Variants in SHANK2 observed in about 807,000 individuals in gnomAD.
SHANK2 encodes the protein SH3 and multiple ankyrin repeat domains 2, also known as SH3 and multiple ankyrin repeat domains protein 2.
SHANK2 carries 43 observed loss-of-function variants against 133.7 expected under a neutral mutation model. That is an observed-to-expected ratio of 0.32 (90% CI 0.25 to 0.41). The LOEUF (loss-of-function observed/expected upper bound fraction) is 0.41, where lower values mean the gene tolerates loss of function less well. Among genes scored for constraint, SHANK2 ranks in the 10% least tolerant of loss-of-function variants. The pLI, the probability that SHANK2 is intolerant of heterozygous loss-of-function variation, is 1.00. For missense variants in SHANK2, 1,994 were observed against 2,235.8 expected (o/e 0.89, Z 2.18); for synonymous variants, 1,017 against 952.8 (o/e 1.07, Z -1.24).
chr11:70,907,253 C>A (rs1290063917), intron 10 of SHANK2, among the ~76,000 whole-genome samples: 4 of 152,176 alleles, frequency 2.6e-5, no homozygotes, highest in Non-Finnish European at 4.4e-5. Flanking sequence ...TGCCAGTATC[C>A]CCAGAGGCTG....
rs1951390022 is a variant in SHANK2, at chr11:71,085,801, CAT to C, written c.912+6619_912+6620del. Among the ~76,000 whole-genome samples, 4 of 54,918 alleles carry C rather than the reference CAT, an allele frequency of 7.3e-5. 1 individual carries two copies. The highest frequency in any genetic ancestry group is 3.1e-4 in the African/African-American group (4 of 12,714). The allele number at this position is 54,918 out of a possible 152,430, so 36.0% of individuals were successfully genotyped here. ...TTATATTATATAATATATGATACAACATAATATATTATGTTATATTATATAAT... is the reference window on the plus strand; with the variant it reads ...TTATATTATATAATATATGATACAACAATATATTATGTTATATTATATAAT... On this transcript the variant is annotated intron_variant, in intron 8 of 25. Transcript: ENST00000601538.
intron 3 of SHANK2, among the ~76,000 whole-genome samples, chr11:71,142,725 GAA>G (rs1390936090): frequency 6.6e-6 from 1 of 151,236 alleles, no homozygotes; most frequent in Non-Finnish European, 1.5e-5. Context: ...TCTGCAGAGA[GAA>G]AGTTTTTCTA....
At chr11:71,098,525 T>C (rs1256554335) in intron 6 of SHANK2, among the ~76,000 whole-genome samples, 1 of 152,150 alleles carries the variant, frequency 6.6e-6, no homozygotes, top group Non-Finnish European at 1.5e-5. Context: ...GAAACCATGA[T>C]GTGAGAGAAG....
chr11:70,909,659 A>C (rs1339057391), intron 10 of SHANK2, among the ~76,000 whole-genome samples: 1 of 152,178 alleles, frequency 6.6e-6, no homozygotes. Context: ...GCCTAGGAGA[A>C]GGCAGGCATT....
intron 11 of SHANK2, among the ~76,000 whole-genome samples, chr11:70,852,641 G>A (rs1590759202): frequency 1.3e-5 from 2 of 152,226 alleles, no homozygotes; most frequent in African/African-American, 2.4e-5. Flanking sequence ...TCAGGAGTTC[G>A]AGACCAGCCT....
intron 12 of SHANK2, among the ~76,000 whole-genome samples, chr11:70,816,137 A>C (rs1555054278): frequency 6.6e-6 from 1 of 152,242 alleles, no homozygotes; most frequent in African/African-American, 2.4e-5. Flanking sequence ...GTTTCTGCAG[A>C]ACCGAAGACT....
chr11:70,754,660 G>C (rs766705407), intron 14 of SHANK2, among the ~76,000 whole-genome samples: 2 of 152,188 alleles, frequency 1.3e-5, no homozygotes, highest in Admixed American at 6.5e-5. Flanking sequence ...GCAGCGGTAG[G>C]AGGAGGTGGA....
chr11:70,940,181 T>TCCTTCCTC (rs1555084108), intron 10 of SHANK2, among the ~76,000 whole-genome samples: 18 of 145,146 alleles, frequency 1.2e-4, no homozygotes, highest in African/African-American at 4.9e-4. Flanking sequence ...CTTCCTTCCT[T>TCCTTCCTC]CCTTACTTCC....
At chr11:70,725,466 C>A (rs549599011) in intron 14 of SHANK2, among the ~76,000 whole-genome samples, 1 of 152,268 alleles carries the variant, frequency 6.6e-6, no homozygotes, top group African/African-American at 2.4e-5. Context: ...GGGCCTGGGG[C>A]CTTTGACAGC....
intron 17 of SHANK2, among the ~76,000 whole-genome samples, chr11:70,585,902 C>T (rs973306660): frequency 4.7e-5 from 7 of 149,110 alleles, no homozygotes; most frequent in Non-Finnish European, 1.0e-4. Flanking sequence ...ACCCATCCTC[C>T]CCCCATCCAT....
intron 1 of SHANK2, among the ~76,000 whole-genome samples, chr11:71,234,088 C>T (rs565402384): frequency 7.2e-6 from 1 of 138,182 alleles, no homozygotes; most frequent in South Asian, 2.4e-4. Flanking sequence ...TGGCTCATGC[C>T]TGTAATCCCA....
intron 14 of SHANK2, among the ~76,000 whole-genome samples, chr11:70,745,378 C>T (rs1029818186): frequency 6.6e-6 from 1 of 152,218 alleles, no homozygotes; most frequent in Admixed American, 6.5e-5. Context: ...CCACATCTCT[C>T]ATCTATCACC....
chr11:70,541,670 G>GC (rs2059622984), intron 17 of SHANK2, among the ~76,000 whole-genome samples: 2 of 152,236 alleles, frequency 1.3e-5, no homozygotes, highest in Admixed American at 1.3e-4. Context: ...GGGAAACGGT[G>GC]CCCCCCACAA....
In SHANK2 at chr11:70,485,870, A is replaced by G. The variant is rs1555153134; in HGVS notation, c.4423T>C (p.Ser1475Pro). The G allele has an allele frequency of 1.2e-6, 2 of 1,613,978 alleles. No individual in the cohort carries two copies. Among genetic ancestry groups the G allele is most frequent in the Admixed American group, 3.3e-5 (2 of 60,000 alleles). ...PASLSNCLPASFLPPPESFDA... is the reference protein window; with the variant it reads ...PASLSNCLPAPFLPPPESFDA... Reference sequence around the variant, plus strand: ...AAGCTTTCAGGGGGTGGCAGGAATGAGGCAGGCAGACAGTTTGAAAGACTG... The same window carrying G: ...AAGCTTTCAGGGGGTGGCAGGAATGGGGCAGGCAGACAGTTTGAAAGACTG... Residue 1475 changes from serine to proline, a missense_variant, in exon 25 of 26, where the codon TCA becomes CCA. Ser to Pro is a moderately conservative substitution (Grantham distance 74, BLOSUM62 -1). Transcript: ENST00000601538. The surrounding 1 kb of genome is among the most constrained non-coding windows in gnomAD (Gnocchi z 5.8).
At chr11:71,133,346 ATGGCTGGCTGGC>A (rs57172693) in intron 3 of SHANK2, among the ~76,000 whole-genome samples, 18,758 of 111,544 alleles carry the variant, frequency 0.17, 1,902 homozygotes, top group South Asian at 0.32. Context: ...GGGAGGATGC[ATGGCTGGCTGGC>A]TGGCTGGCTG....
At chr11:70,870,353 T>C (rs1229296540) in intron 11 of SHANK2, among the ~76,000 whole-genome samples, 1 of 152,120 alleles carries the variant, frequency 6.6e-6, no homozygotes, top group East Asian at 1.9e-4. Context: ...TGGAAGGGGC[T>C]GGTTCTGGAC....
intron 2 of SHANK2, among the ~76,000 whole-genome samples, chr11:71,162,566 C>T (rs1350799584): frequency 6.6e-6 from 1 of 152,102 alleles, no homozygotes; most frequent in Non-Finnish European, 1.5e-5. Context: ...ACAGTGAAGA[C>T]AAATCAAGTA....
At chr11:70,939,072 G>A (rs1555083897) in intron 10 of SHANK2, among the ~76,000 whole-genome samples, 1 of 152,106 alleles carries the variant, frequency 6.6e-6, no homozygotes, top group Non-Finnish European at 1.5e-5. Flanking sequence ...AAAGGGAGAT[G>A]ACAGACCCTA....
At chr11:70,747,148 C>T (rs560537403) in intron 14 of SHANK2, among the ~76,000 whole-genome samples, 1 of 151,826 alleles carries the variant, frequency 6.6e-6, no homozygotes, top group Non-Finnish European at 1.5e-5. Flanking sequence ...GGTAAGACTC[C>T]GCTTGGGTTC....
Sources: allele counts gnomAD v4.1 joint callset (sites outside exome capture counted in the v4.1 genomes callset), GRCh38; gene constraint gnomAD v4.1.1; non-coding constraint Gnocchi (gnomAD v3.1); transcripts MANE v1.5; gene names NCBI Gene and HGNC (gene_info 2026-07-23, HGNC 2026-07-21).